The following ZNG1A variants were observed in gnomAD, a reference collection of about 807,000 sequenced individuals.
ZNG1A encodes the protein zinc-regulated GTPase metalloprotein activator 1A.
the ZNG1A span, chr9:123,658 G>T: frequency 1.8e-6 from 1 of 568,208 alleles, no homozygotes; most frequent in Non-Finnish European, 3.2e-6. Context: ...GGTACCAATG[G>T]ATTTAGTATT....
At chr9:169,210 C>T in the ZNG1A span, among the ~76,000 whole-genome samples, 1 of 151,734 alleles carries the variant, frequency 6.6e-6, no homozygotes, top group Non-Finnish European at 1.5e-5. Flanking sequence ...AAGATGATTC[C>T]AGCCCTCACA....
chr9:131,203 G>A, the ZNG1A span, among the ~76,000 whole-genome samples: 1 of 138,056 alleles, frequency 7.2e-6, no homozygotes, highest in African/African-American at 2.9e-5. Flanking sequence ...TTTTTGTTTT[G>A]AATCTAAAAT....
At chr9:167,043 T>C in the ZNG1A span, 3 of 151,908 alleles carry the variant, frequency 2.0e-5, no homozygotes, top group African/African-American at 7.2e-5. Flanking sequence ...TAGATATACC[T>C]TGTTTATATT....
chr9:169,697 C>T, the ZNG1A span, among the ~76,000 whole-genome samples: 19 of 145,488 alleles, frequency 1.3e-4, no homozygotes, highest in African/African-American at 3.7e-4. Flanking sequence ...CCATCAACAT[C>T]GTGGCAAGAC....
the ZNG1A span, among the ~76,000 whole-genome samples, chr9:158,746 T>C: frequency 1.3e-5 from 2 of 151,260 alleles, no homozygotes; most frequent in Non-Finnish European, 2.9e-5. Flanking sequence ...CCTGCCAATA[T>C]TTACAGCTGT....
At chr9:146,310 T>G in the ZNG1A span, 1 of 654,938 alleles carries the variant, frequency 1.5e-6, no homozygotes, top group South Asian at 2.3e-5. Flanking sequence ...TGAATCAAGA[T>G]TGAAAATTAT....
the ZNG1A span, chr9:147,996 A>G: frequency 2.0e-5 from 3 of 151,280 alleles, no homozygotes; most frequent in Non-Finnish European, 4.4e-5. Flanking sequence ...CCGCACTCCA[A>G]CTTGGGGGAC....
At chr9:161,054 CT>C in the ZNG1A span, among the ~76,000 whole-genome samples, 4 of 150,252 alleles carry the variant, frequency 2.7e-5, no homozygotes, top group Non-Finnish European at 6.0e-5. Flanking sequence ...AATTAGGGCA[CT>C]CTATCAACGA....
At chr9:175,876 G>C in the ZNG1A span, 4 of 1,366,484 alleles carry the variant, frequency 2.9e-6, no homozygotes, top group Non-Finnish European at 3.9e-6. Context: ...TTGAGAATTT[G>C]CGTGCTATTT....
the ZNG1A span, chr9:123,069 C>T: frequency 2.6e-6 from 4 of 1,536,796 alleles, no homozygotes; most frequent in South Asian, 4.8e-5. Flanking sequence ...TTCCAAAGCT[C>T]CTTTTCAGTC....
chr9:163,799 C>A, the ZNG1A span, among the ~76,000 whole-genome samples: 1 of 151,800 alleles, frequency 6.6e-6, no homozygotes, highest in Non-Finnish European at 1.5e-5. Context: ...CGCCTGTAGT[C>A]CCAGCTACTC....
At chr9:178,241 C>T in the ZNG1A span, among the ~76,000 whole-genome samples, 2 of 150,830 alleles carry the variant, frequency 1.3e-5, no homozygotes, top group Non-Finnish European at 3.0e-5. Flanking sequence ...GAGAAATAGT[C>T]TTGGAGGACA....
chr9:158,456 T>C, the ZNG1A span, among the ~76,000 whole-genome samples: 6 of 150,910 alleles, frequency 4.0e-5, no homozygotes, highest in Non-Finnish European at 5.9e-5. Flanking sequence ...ATGAAAGCTT[T>C]TTTAACGTAT....
the ZNG1A span, chr9:175,893 T>C: frequency 3.6e-5 from 51 of 1,414,994 alleles, 6 homozygotes; most frequent in Admixed American, 9.3e-4. Flanking sequence ...ATTTTTCATA[T>C]ATTATTTTAG....
the ZNG1A span, among the ~76,000 whole-genome samples, chr9:159,472 G>T: frequency 1.2e-4 from 19 of 152,190 alleles, no homozygotes; most frequent in Middle Eastern, 3.2e-3. Flanking sequence ...GTGAGGTGAT[G>T]GATAGGTTAA....
the ZNG1A span, chr9:149,448 C>A: frequency 6.6e-6 from 1 of 152,098 alleles, no homozygotes; most frequent in Non-Finnish European, 1.5e-5. Context: ...TCTGTAAAAG[C>A]CTTATTCATT....
At chr9:130,319 A>T in the ZNG1A span, among the ~76,000 whole-genome samples, 4 of 139,844 alleles carry the variant, frequency 2.9e-5, no homozygotes, top group African/African-American at 8.4e-5. Context: ...TCAGTTAAAA[A>T]AAAATAAATT....
At chr9:125,153 C>T in the ZNG1A span, among the ~76,000 whole-genome samples, 3 of 152,280 alleles carry the variant, frequency 2.0e-5, no homozygotes, top group East Asian at 5.8e-4. Context: ...AGTGGTTGTA[C>T]TAGTTTACAT....
the ZNG1A span, among the ~76,000 whole-genome samples, chr9:139,000 C>T: frequency 6.7e-6 from 1 of 149,030 alleles, no homozygotes; most frequent in Non-Finnish European, 1.5e-5. Context: ...CAAAATTGTC[C>T]CACCAATTCA....
Sources: allele counts gnomAD v4.1 joint callset (sites outside exome capture counted in the v4.1 genomes callset), GRCh38; gene constraint gnomAD v4.1.1; transcripts MANE v1.5; gene names NCBI Gene and HGNC (gene_info 2026-07-23, HGNC 2026-07-21).